Variants in ZNFX1 observed in about 807,000 individuals in gnomAD.
ZNFX1 encodes NFX1-type zinc finger-containing protein 1.
A neutral mutation model predicts 179.8 loss-of-function variants in ZNFX1; 78 were observed. The observed-to-expected ratio is 0.43, with a 90% CI of 0.36 to 0.52. The LOEUF (loss-of-function observed/expected upper bound fraction) is 0.52. Ranked by LOEUF, ZNFX1 falls within the 20% of genes least tolerant of loss-of-function variation. The pLI is 0.00. For missense variants in ZNFX1, 1,927 were observed against 2,386.6 expected (o/e 0.81, Z 4.01); for synonymous variants, 848 against 868.5 (o/e 0.98, Z 0.42).
chr20:49,267,448 C>T (rs1184033121), intron 3 of ZNFX1, among the ~76,000 whole-genome samples: 1 of 150,666 alleles, frequency 6.6e-6, no homozygotes, highest in Non-Finnish European at 1.5e-5. Flanking sequence ...TACAGGTACT[C>T]GTCAAGACGT....
chr20:49,276,027 A>C (rs1981548019), intron 1 of ZNFX1, 140 bp from the exon 2 acceptor site: 1 of 581,218 alleles, frequency 1.7e-6, no homozygotes, highest in Non-Finnish European at 3.1e-6. Context: ...TTTAATCTAG[A>C]GCACAAGTGC....
chr20:49,252,908 C>A, intron 11 of ZNFX1, 78 bp from the exon 12 acceptor site: 2 of 1,133,342 alleles, frequency 1.8e-6, no homozygotes, highest in South Asian at 2.5e-5. Context: ...ATCCAACCAA[C>A]CATCAAATGT....
Position 49,271,734 on chromosome 20 carries a change from C to A in ZNFX1, c.78G>T (p.Glu26Asp). The change falls in exon 3 of 14, where the codon GAG becomes GAT. Residue 26 changes from glutamate (E) to aspartate (D), a missense_variant. Coordinates refer to ENST00000396105, the MANE Select transcript of ZNFX1 (RefSeq NM_021035.3). ...CCTGATTTCTAGCTCTTGGTGGTAA[C>A]TCTCCATCCACAGGGCCTAAACACA... ...HTNHRGPVDG[E>D]LPPRARNQAN... 1 of 1,612,530 alleles carries A rather than the reference C, an allele frequency of 6.2e-7. No homozygotes were observed. The highest frequency in any genetic ancestry group is 8.5e-7 in the Non-Finnish European group (1 of 1,179,040).
At chr20:49,272,741 G>A (rs933129923) in intron 2 of ZNFX1, among the ~76,000 whole-genome samples, 2 of 152,096 alleles carry the variant, frequency 1.3e-5, no homozygotes, top group Non-Finnish European at 2.9e-5. Flanking sequence ...GAGAAAGGTG[G>A]GGTTTCCTTA....
chr20:49,273,976 C>A (rs1477152397), intron 2 of ZNFX1, among the ~76,000 whole-genome samples: 1 of 152,174 alleles, frequency 6.6e-6, no homozygotes, highest in African/African-American at 2.4e-5. Flanking sequence ...GCCCATAGTT[C>A]TTCCTCATTT....
intron 2 of ZNFX1, among the ~76,000 whole-genome samples, chr20:49,274,979 C>T (rs1323065377): frequency 1.4e-5 from 2 of 147,702 alleles, no homozygotes; most frequent in South Asian, 2.2e-4. Flanking sequence ...AAAAATTAGC[C>T]GGGCGTGGTG....
chr20:49,260,356 A>G, intron 7 of ZNFX1, 107 bp downstream of exon 7: 1 of 606,486 alleles, frequency 1.6e-6, no homozygotes, highest in Non-Finnish European at 2.7e-6. Context: ...TCTCTGATTG[A>G]CTCATAGCTC....
rs1981356653 is a variant in ZNFX1, at chr20:49,270,549, A to G, written c.1263T>C (p.Cys421=). 2.5e-6 allele frequency: 4 copies of G among 1,614,138 alleles called. No homozygotes were observed. The highest frequency in any genetic ancestry group is 1.6e-4 in the Middle Eastern group (1 of 6,084). Reference sequence around the variant, plus strand: ...CCTTGTAGACTATGCCTGATGATGAACACATGGGGGTGATAATCCTGGTGT... The same window carrying G: ...CCTTGTAGACTATGCCTGATGATGAGCACATGGGGGTGATAATCCTGGTGT... The part of the protein sequence containing the change: ...YFDTRIITPM[C]SSSGIVYKVQ... Residue 421 remains cysteine, a synonymous_variant, in exon 3 of 14, where the codon TGT becomes TGC. Coordinates refer to ENST00000396105, the MANE Select transcript of ZNFX1 (RefSeq NM_021035.3). This position sits in a 1 kb window ranked among gnomAD's most constrained non-coding sequence, Gnocchi z 4.6.
intron 6 of ZNFX1, 94 bp from the exon 7 acceptor site, chr20:49,260,671 G>A: frequency 1.2e-6 from 1 of 865,282 alleles, no homozygotes. Flanking sequence ...TTGGGGCATG[G>A]TAGCTCATGC....
rs1980678926 is a variant in ZNFX1, at chr20:49,246,660, A to G, written c.*607T>C. The G allele has an allele frequency of 2.8e-6, 1 of 351,720 alleles. No homozygotes were observed. Among genetic ancestry groups the G allele is most frequent in the Non-Finnish European group, 5.6e-6 (1 of 178,528 alleles). 21.8% of individuals were successfully genotyped at this position (351,720 alleles called of 1,614,324 possible). ...TAAACATCTGACCAAGTAAAGACCC[A>G]GAGATACCACTAGGTGGCCCTAGGT... On this transcript the variant is annotated 3_prime_UTR_variant, in exon 14 of 14. Coordinates refer to ENST00000396105, the MANE Select transcript of ZNFX1 (RefSeq NM_021035.3).
Position 49,248,026 on chromosome 20 carries a change from G to A in ZNFX1, c.4998C>T (p.Ala1666=). Residue 1666 remains alanine, a synonymous_variant, in exon 14 of 14, where the codon GCC becomes GCT. Coordinates refer to ENST00000396105, the MANE Select transcript of ZNFX1 (RefSeq NM_021035.3). The surrounding 1 kb of genome is among the most constrained non-coding windows in gnomAD (Gnocchi z 4.6). ...GGAGGAGGCTCTTCCTCTCCAGCAGGGCCTTAAGCCGTTCCTGGCTGGTTG... is the reference window on the plus strand; with the variant it reads ...GGAGGAGGCTCTTCCTCTCCAGCAGAGCCTTAAGCCGTTCCTGGCTGGTTG... ...EIATSQERLK[A]LLERKSLLHQ... is the part of the protein sequence containing the mutation. The A allele has an allele frequency of 1.2e-6, 2 of 1,614,114 alleles. No homozygotes were observed. Among genetic ancestry groups the A allele is most frequent in the African/African-American group, 2.7e-5 (2 of 75,036 alleles).
rs1333035135 is a variant in ZNFX1, at chr20:49,251,504, AAGATCGGGTAAGAC to A, written c.3312+9_3312+22del. ...TTTAGGTTGCTGACACCATCCAAGAAAGATCGGGTAAGACAGACTCACCTTAATCTTCTCATACT... is the reference window on the plus strand; with the variant it reads ...TTTAGGTTGCTGACACCATCCAAGAAAGACTCACCTTAATCTTCTCATACT... On this transcript the variant is annotated intron_variant, in intron 13 of 13. Transcript: ENST00000396105. 2 of 1,599,668 alleles carry A rather than the reference AAGATCGGGTAAGAC, an allele frequency of 1.3e-6. No individual in the cohort carries two copies. Among genetic ancestry groups the A allele is most frequent in the South Asian group, 2.2e-5 (2 of 89,872 alleles).
At chr20:49,265,034 G>C (rs948749678) in intron 4 of ZNFX1, among the ~76,000 whole-genome samples, 170 bp from the exon 5 acceptor site, 6 of 152,140 alleles carry the variant, frequency 3.9e-5, no homozygotes, top group Non-Finnish European at 7.4e-5. Flanking sequence ...GATGTGACCT[G>C]CAGAGCAGTA....
chr20:49,252,673 G>A (rs1323267578), intron 12 of ZNFX1, 47 bp downstream of exon 12: 2 of 1,471,626 alleles, frequency 1.4e-6, no homozygotes, highest in East Asian at 2.3e-5. Flanking sequence ...AGCTTCCCAG[G>A]AGCTTTCTCC....
intron 1 of ZNFX1, among the ~76,000 whole-genome samples, 152 bp from the exon 2 acceptor site, chr20:49,276,039 C>T (rs1372847571): frequency 6.6e-6 from 1 of 152,162 alleles, no homozygotes; most frequent in East Asian, 1.9e-4. Flanking sequence ...CACAAGTGCT[C>T]GACTCTGCAA....
intron 2 of ZNFX1, among the ~76,000 whole-genome samples, chr20:49,273,167 C>T (rs1425205388): frequency 6.6e-6 from 1 of 152,120 alleles, no homozygotes; most frequent in Non-Finnish European, 1.5e-5. Flanking sequence ...GAGTCTGGCT[C>T]TGTCGCCCAG....
intron 4 of ZNFX1, 31 bp downstream of exon 4, chr20:49,266,104 G>A (rs1220264237): frequency 6.2e-7 from 1 of 1,600,298 alleles, no homozygotes; most frequent in Non-Finnish European, 8.5e-7. Flanking sequence ...TCAACATCTT[G>A]ATAGAGAACA....
chr20:49,263,199 A>G, intron 6 of ZNFX1, 135 bp downstream of exon 6: 1 of 1,148,202 alleles, frequency 8.7e-7, no homozygotes, highest in Non-Finnish European at 1.2e-6. Flanking sequence ...GCCTCTCATC[A>G]CAAAAGGGAA....
At chr20:49,266,676 C>A (rs1981242388) in intron 3 of ZNFX1, among the ~76,000 whole-genome samples, 1 of 143,698 alleles carries the variant, frequency 7.0e-6, no homozygotes, top group African/African-American at 2.6e-5. Flanking sequence ...CCACCCCCCC[C>A]TTTCCTTTTT....
Sources: allele counts gnomAD v4.1 joint callset (sites outside exome capture counted in the v4.1 genomes callset), GRCh38; gene constraint gnomAD v4.1.1; non-coding constraint Gnocchi (gnomAD v3.1); transcripts MANE v1.5; gene names NCBI Gene and HGNC (gene_info 2026-07-23, HGNC 2026-07-21).